The following PTPRD variants were observed in gnomAD, a reference collection of about 807,000 sequenced individuals.
The protein encoded by PTPRD is protein tyrosine phosphatase receptor type D, also known as receptor-type tyrosine-protein phosphatase delta.
A neutral mutation model predicts 214.5 loss-of-function variants in PTPRD; 34 were observed. The observed-to-expected ratio is 0.16, with a 90% CI of 0.12 to 0.21. PTPRD has a LOEUF of 0.21. Ranked by LOEUF, PTPRD falls within the 10% of genes least tolerant of loss-of-function variation. The pLI, the probability that PTPRD is intolerant of heterozygous loss-of-function variation, is 1.00. For missense variants in PTPRD, 2,545 were observed against 2,398.7 expected (o/e 1.06, Z -1.27); for synonymous variants, 1,128 against 845.7 (o/e 1.33, Z -5.79).
intron 8 of PTPRD, among the ~76,000 whole-genome samples, chr9:9,567,215 G>A (rs1295432725): frequency 6.6e-6 from 1 of 151,832 alleles, no homozygotes; most frequent in African/African-American, 2.4e-5. Flanking sequence ...GTGTGAGTGG[G>A]TCTTGGTCAA....
intron 14 of PTPRD, among the ~76,000 whole-genome samples, chr9:8,574,747 C>G (rs1038112930): frequency 6.6e-6 from 1 of 152,016 alleles, no homozygotes; most frequent in Non-Finnish European, 1.5e-5. Context: ...CATTCCTCCC[C>G]CTGAGCTATT....
At chr9:8,653,843 A>G (rs1168344955) in intron 12 of PTPRD, among the ~76,000 whole-genome samples, 1 of 152,144 alleles carries the variant, frequency 6.6e-6, no homozygotes, top group African/African-American at 2.4e-5. Context: ...CCTTTATCTT[A>G]TTCAAGACCA....
intron 5 of PTPRD, among the ~76,000 whole-genome samples, chr9:9,768,949 T>G (rs2098728789): frequency 6.6e-6 from 1 of 152,170 alleles, no homozygotes; most frequent in Admixed American, 6.5e-5. Context: ...ATAATCGGAT[T>G]AAGGTTACTT....
At chr9:9,743,548 C>G (rs923913724) in intron 6 of PTPRD, among the ~76,000 whole-genome samples, 3 of 151,904 alleles carry the variant, frequency 2.0e-5, no homozygotes, top group Non-Finnish European at 4.4e-5. Context: ...CCCTAAGGGC[C>G]CATTTCTCTG....
At chr9:9,563,015 A>G (rs886852900) in intron 8 of PTPRD, among the ~76,000 whole-genome samples, 3 of 152,200 alleles carry the variant, frequency 2.0e-5, no homozygotes, top group African/African-American at 7.2e-5. Flanking sequence ...ATGAATGACT[A>G]TTAGAACATT....
intron 9 of PTPRD, among the ~76,000 whole-genome samples, chr9:9,185,645 G>T (rs1316168779): frequency 6.6e-6 from 1 of 152,056 alleles, no homozygotes; most frequent in African/African-American, 2.4e-5. Context: ...ACTGCCTTTT[G>T]ATCTGAAGTA....
At chr9:9,316,625 A>G (rs1167211370) in intron 9 of PTPRD, among the ~76,000 whole-genome samples, 2 of 152,164 alleles carry the variant, frequency 1.3e-5, no homozygotes, top group African/African-American at 2.4e-5. Context: ...AGAGCAAAAT[A>G]GCCCAATCAA....
At chr9:9,893,711 GACTTTTAA>G (rs2074116680) in intron 5 of PTPRD, among the ~76,000 whole-genome samples, 1 of 152,050 alleles carries the variant, frequency 6.6e-6, no homozygotes, top group African/African-American at 2.4e-5. Flanking sequence ...CCTTCCCAAT[GACTTTTAA>G]ACATAATCAC....
intron 4 of PTPRD, among the ~76,000 whole-genome samples, chr9:10,007,620 C>T (rs1426168800): frequency 6.6e-6 from 1 of 151,894 alleles, no homozygotes; most frequent in Non-Finnish European, 1.5e-5. Flanking sequence ...ATCTCTTCCA[C>T]ATCAAAATTG....
At chr9:8,705,276 A>C (rs1025969458) in intron 12 of PTPRD, among the ~76,000 whole-genome samples, 1 of 152,122 alleles carries the variant, frequency 6.6e-6, no homozygotes, top group Non-Finnish European at 1.5e-5. Context: ...ACTGGAGTGC[A>C]GTGGCACCAT....
intron 3 of PTPRD, among the ~76,000 whole-genome samples, chr9:10,285,374 C>G (rs1480757173): frequency 6.6e-6 from 1 of 151,996 alleles, no homozygotes; most frequent in Non-Finnish European, 1.5e-5. Flanking sequence ...TGTCGGGGTT[C>G]AGAACATCAA....
At chr9:10,124,153 C>A (rs980326179) in intron 3 of PTPRD, among the ~76,000 whole-genome samples, 1 of 152,066 alleles carries the variant, frequency 6.6e-6, no homozygotes, top group East Asian at 1.9e-4. Flanking sequence ...AAAAAGAGCA[C>A]AGGATGCAGC....
At chr9:8,794,056 C>T (rs1260658433) in intron 11 of PTPRD, among the ~76,000 whole-genome samples, 1 of 152,206 alleles carries the variant, frequency 6.6e-6, no homozygotes, top group Admixed American at 6.5e-5. Flanking sequence ...GTCACATTAT[C>T]ATGCATTACA....
At chr9:9,910,656 T>C (rs4742638) in intron 5 of PTPRD, among the ~76,000 whole-genome samples, 148,666 of 152,046 alleles carry the variant, frequency 0.98, 72,692 homozygotes, top group East Asian at 1. Flanking sequence ...TGTTATTTAA[T>C]TTTGTCTTTT....
intron 12 of PTPRD, among the ~76,000 whole-genome samples, chr9:8,692,484 T>C (rs1043538787): frequency 9.2e-5 from 14 of 152,292 alleles, no homozygotes; most frequent in East Asian, 1.9e-4. Flanking sequence ...CCATTAACCA[T>C]TGCCTCATCT....
chr9:8,494,535 T>G (rs1768479792), intron 26 of PTPRD, among the ~76,000 whole-genome samples: 1 of 152,196 alleles, frequency 6.6e-6, no homozygotes, highest in South Asian at 2.1e-4. Flanking sequence ...CATTATGGTT[T>G]CCAAGGTTCC....
chr9:9,868,820 C>G (rs1360684366), intron 5 of PTPRD, among the ~76,000 whole-genome samples: 1 of 151,152 alleles, frequency 6.6e-6, no homozygotes, highest in East Asian at 1.9e-4. Context: ...TTAAATCTCT[C>G]ATCTACAACA....
chr9:8,942,283 A>C (rs535692766), intron 11 of PTPRD, among the ~76,000 whole-genome samples: 2 of 152,294 alleles, frequency 1.3e-5, no homozygotes, highest in East Asian at 3.9e-4. Flanking sequence ...TGCAATTGTT[A>C]GGTTTAAATT....
At chr9:10,235,848 C>T (rs1214641309) in intron 3 of PTPRD, among the ~76,000 whole-genome samples, 1 of 151,914 alleles carries the variant, frequency 6.6e-6, no homozygotes, top group East Asian at 1.9e-4. Context: ...TTGGGCAATT[C>T]TAGTATTAGT....
Sources: allele counts gnomAD v4.1 joint callset (sites outside exome capture counted in the v4.1 genomes callset), GRCh38; gene constraint gnomAD v4.1.1; transcripts MANE v1.5; gene names NCBI Gene and HGNC (gene_info 2026-07-23, HGNC 2026-07-21).